The following BARD1 variants were observed in gnomAD, a reference collection of about 807,000 sequenced individuals.
BARD1 encodes the protein BRCA1 associated RING domain 1.
Under a neutral mutation model 77.0 loss-of-function variants are expected in BARD1, and 73 were observed. The ratio of observed to expected loss-of-function variants is 0.95; its 90% CI spans 0.79 to 1.15. BARD1 has a LOEUF of 1.15. BARD1 is among the 50% of genes most tolerant of loss of function. The probability of loss-of-function intolerance (pLI) is 0.00; values close to 1 mark genes in which losing one functional copy is unlikely to be tolerated. For synonymous variants in BARD1, 384 were observed against 338.0 expected (o/e 1.14, Z -1.49); for missense variants, 993 against 938.8 (o/e 1.06, Z -0.75).
At chr2:214,775,042 T>C (rs981505204) in intron 4 of BARD1, among the ~76,000 whole-genome samples, 1 of 152,220 alleles carries the variant, frequency 6.6e-6, no homozygotes, top group Non-Finnish European at 1.5e-5. Flanking sequence ...TTTGATCATC[T>C]ATCCAGACCA....
rs2106107388 is a variant in BARD1, at chr2:214,780,541, T to C, written c.1314+19A>G. On this transcript the variant is annotated intron_variant, in intron 4 of 10. Transcript: ENST00000260947. ...AGTTGGCCTCATTCTGAGATGGTAT[T>C]TCAGAGTAAGCATCCTACCTTAATA... 6.2e-7 allele frequency: 1 copy of C among 1,600,074 alleles called. No individual in the cohort carries two copies. The highest frequency in any genetic ancestry group is 8.6e-7 in the Non-Finnish European group (1 of 1,167,514).
intron 1 of BARD1, among the ~76,000 whole-genome samples, chr2:214,804,395 C>T (rs1457606746): frequency 6.6e-6 from 1 of 152,192 alleles, no homozygotes; most frequent in African/African-American, 2.4e-5. Flanking sequence ...ATTGTGGCTA[C>T]AAACGTGAAC....
At chr2:214,767,324 G>C (rs6413460) in intron 6 of BARD1, among the ~76,000 whole-genome samples, 158 bp downstream of exon 6, 1 of 151,898 alleles carries the variant, frequency 6.6e-6, no homozygotes, top group Non-Finnish European at 1.5e-5. Context: ...AGGGCATGAA[G>C]GCTGATTATG....
chr2:214,731,591 G>A (rs1465219344), intron 9 of BARD1, among the ~76,000 whole-genome samples: 1 of 151,908 alleles, frequency 6.6e-6, no homozygotes, highest in Non-Finnish European at 1.5e-5. Flanking sequence ...TTTTTCACCG[G>A]GCTTCTGTGG....
At chr2:214,792,972 G>C (rs1203029773) in intron 2 of BARD1, among the ~76,000 whole-genome samples, 2 of 152,148 alleles carry the variant, frequency 1.3e-5, no homozygotes, top group East Asian at 3.8e-4. Context: ...AGAGTTAGAA[G>C]AGTTTTTCTA....
At chr2:214,731,107 G>C (rs1692336147) in intron 9 of BARD1, 3 of 234,314 alleles carry the variant, frequency 1.3e-5, no homozygotes, top group Non-Finnish European at 8.8e-6. Flanking sequence ...GAGGTTGCTA[G>C]TCTAGAGATG....
intron 2 of BARD1, among the ~76,000 whole-genome samples, chr2:214,794,044 G>A (rs1393663601): frequency 6.6e-6 from 1 of 152,074 alleles, no homozygotes; most frequent in African/African-American, 2.4e-5. Context: ...TTGAGCCCAG[G>A]AGTTCAAGAC....
rs551432488 is a variant in BARD1, at chr2:214,802,559, G to C, written c.159-5442C>G. Among the ~76,000 whole-genome samples, 4 of 152,178 alleles carry C rather than the reference G, an allele frequency of 2.6e-5. No individual in the cohort carries two copies. In the East Asian group the frequency reaches 7.7e-4, roughly 29 times the overall value. ...ATTAGACTCCAGCCCTAAGACAAGA[G>C]ATCTTAACTTTCATTTTTTCTGAGC... On this transcript the variant is annotated intron_variant, in intron 1 of 10. Coordinates refer to ENST00000260947, the MANE Select transcript of BARD1 (RefSeq NM_000465.4).
At chr2:214,787,416 A>G (rs1057344466) in intron 3 of BARD1, among the ~76,000 whole-genome samples, 1 of 152,006 alleles carries the variant, frequency 6.6e-6, no homozygotes, top group Non-Finnish European at 1.5e-5. Flanking sequence ...AAGGAGCACA[A>G]CAAAGATGAC....
At chr2:214,766,976 A>T (rs1313326783) in intron 6 of BARD1, among the ~76,000 whole-genome samples, 1 of 151,700 alleles carries the variant, frequency 6.6e-6, no homozygotes, top group Non-Finnish European at 1.5e-5. Context: ...CCCTCCTCCC[A>T]TCCTCCACAC....
intron 9 of BARD1, among the ~76,000 whole-genome samples, chr2:214,742,305 T>C (rs916435281): frequency 6.6e-6 from 1 of 152,152 alleles, no homozygotes; most frequent in South Asian, 2.1e-4. Flanking sequence ...AGCTGGAGGA[T>C]TGCTTGAGTG....
intron 3 of BARD1, among the ~76,000 whole-genome samples, chr2:214,784,029 A>G (rs1476398687): frequency 6.6e-6 from 1 of 152,204 alleles, no homozygotes; most frequent in African/African-American, 2.4e-5. Context: ...CAAAATTGAC[A>G]AATGGGATCT....
intron 3 of BARD1, 127 bp from the exon 4 acceptor site, chr2:214,781,636 C>G (rs1418408935): frequency 8.3e-6 from 6 of 723,942 alleles, no homozygotes; most frequent in Non-Finnish European, 9.0e-6. Context: ...TCTTTCTCAG[C>G]TCCTAGAGTG....
At chr2:214,771,424 T>C (rs1694482011) in intron 4 of BARD1, among the ~76,000 whole-genome samples, 1 of 152,162 alleles carries the variant, frequency 6.6e-6, no homozygotes, top group African/African-American at 2.4e-5. Context: ...ATTTGATTTT[T>C]TTTTCTTTTT....
intron 3 of BARD1, 127 bp downstream of exon 3, chr2:214,792,170 C>G: frequency 1.2e-6 from 1 of 817,520 alleles, no homozygotes; most frequent in East Asian, 3.2e-5. Flanking sequence ...AAAAAAAAAC[C>G]TACAGATTTT....
intron 4 of BARD1, among the ~76,000 whole-genome samples, chr2:214,776,200 TAAG>T (rs137978957): frequency 0.015 from 2,240 of 152,306 alleles, 12 homozygotes; most frequent in Middle Eastern, 0.031. Flanking sequence ...ATTGCCATTT[TAAG>T]AATTTGTGCT....
At chr2:214,809,189 G>A (rs1181836127) in intron 1 of BARD1, among the ~76,000 whole-genome samples, 1 of 152,222 alleles carries the variant, frequency 6.6e-6, no homozygotes, top group Non-Finnish European at 1.5e-5. Flanking sequence ...TACCGTTTCA[G>A]TTGGATTCAG....
intron 5 of BARD1, 61 bp from the exon 6 acceptor site, chr2:214,767,715 T>A: frequency 2.1e-6 from 3 of 1,449,118 alleles, no homozygotes; most frequent in Non-Finnish European, 2.9e-6. Context: ...TGGATGATAT[T>A]ATAATATCAC....
At chr2:214,767,695 G>A (rs1242080792) in intron 5 of BARD1, 41 bp from the exon 6 acceptor site, 1 of 1,570,404 alleles carries the variant, frequency 6.4e-7, no homozygotes, top group Non-Finnish European at 8.8e-7. Context: ...GAAGTGATAA[G>A]AAAGAGCAAT....
Sources: allele counts gnomAD v4.1 joint callset (sites outside exome capture counted in the v4.1 genomes callset), GRCh38; gene constraint gnomAD v4.1.1; transcripts MANE v1.5; gene names NCBI Gene and HGNC (gene_info 2026-07-23, HGNC 2026-07-21).